TEX101: variants seen among roughly 807,000 people sequenced by gnomAD.
The protein encoded by TEX101 is testis expressed 101.
Under a neutral mutation model 18.1 loss-of-function variants are expected in TEX101, and 10 were observed. The ratio of observed to expected loss-of-function variants is 0.55; its 90% CI spans 0.34 to 0.94. The LOEUF (loss-of-function observed/expected upper bound fraction) is 0.94. Among genes scored for constraint, TEX101 ranks in the 40% least tolerant of loss-of-function variants. The pLI is 0.02. For missense variants in TEX101, 259 were observed against 298.9 expected (o/e 0.87, Z 0.98); for synonymous variants, 94 against 114.8 (o/e 0.82, Z 1.16).
At chr19:43,392,692 G>A in the TEX101 span, among the ~76,000 whole-genome samples, 9 of 152,210 alleles carry the variant, frequency 5.9e-5, no homozygotes, top group South Asian at 1.0e-3. Flanking sequence ...AAAAAGAGAT[G>A]GACAGAGCTG....
chr19:43,416,926 G>C, intron 4 of TEX101, among the ~76,000 whole-genome samples: 1 of 151,698 alleles, frequency 6.6e-6, no homozygotes, highest in Non-Finnish European at 1.5e-5. Context: ...CCAGATACTC[G>C]GGAAGCTGAG....
At chr19:43,398,135 A>G (rs1352882192), upstream of TEX101, among the ~76,000 whole-genome samples, 4 of 39,946 alleles carry the variant, frequency 1.0e-4, no homozygotes, top group African/African-American at 4.1e-4. Flanking sequence ...ATATATAAAT[A>G]TATAATATAT....
intron 2 of TEX101, among the ~76,000 whole-genome samples, chr19:43,405,847 G>A (rs536416034): frequency 4.6e-5 from 7 of 152,004 alleles, no homozygotes; most frequent in Non-Finnish European, 5.9e-5. Flanking sequence ...CCCAGGAGGC[G>A]GAGGTTGCAG....
At chr19:43,404,890 G>A (rs1227944671) in intron 2 of TEX101, among the ~76,000 whole-genome samples, 1 of 151,932 alleles carries the variant, frequency 6.6e-6, no homozygotes, top group Non-Finnish European at 1.5e-5. Flanking sequence ...TAAAAATAGA[G>A]ACACTTCATC....
At chr19:43,391,552 T>C in the TEX101 span, among the ~76,000 whole-genome samples, 3 of 152,190 alleles carry the variant, frequency 2.0e-5, no homozygotes, top group South Asian at 4.1e-4. Flanking sequence ...TAAATTAATT[T>C]TACATTTCCT....
chr19:43,406,333 TGGA>T, exon 3 of TEX101: 1 of 579,242 alleles, frequency 1.7e-6, no homozygotes, highest in Non-Finnish European at 3.1e-6. Context: ...CGCGCGCGAA[TGGA>T]TAGACGCTAT....
intron 1 of TEX101, 63 bp downstream of exon 1, chr19:43,415,101 T>C: frequency 1.0e-6 from 1 of 968,262 alleles, no homozygotes; most frequent in Non-Finnish European, 1.2e-6. Flanking sequence ...GGGCCTGGGC[T>C]CCCGGGCCTG....
At chr19:43,391,326 G>T in the TEX101 span, among the ~76,000 whole-genome samples, 1 of 151,224 alleles carries the variant, frequency 6.6e-6, no homozygotes, top group Non-Finnish European at 1.5e-5. Context: ...GACCACAGTG[G>T]TTGTGCCATA....
chr19:43,404,763 T>C (rs1249125450), intron 2 of TEX101, among the ~76,000 whole-genome samples: 1 of 151,396 alleles, frequency 6.6e-6, no homozygotes, highest in Non-Finnish European at 1.5e-5. Flanking sequence ...TAGGTGAATA[T>C]ATAAATATAT....
rs1486061743 is a variant in TEX101 at position 43,416,131 on chromosome 19, T to C, written c.97T>C (p.Ser33Pro). Reference protein sequence around the residue: ...GLELYCQKGLSMTVEADPANM... With the variant: ...GLELYCQKGLPMTVEADPANM... ...AGAGCTGTATTGTCAAAAGGGTCTG[T>C]CCATGACTGTGGAAGCAGATCCAGC... Residue 33 changes from serine to proline, a missense_variant, in exon 3 of 6, where the codon TCC becomes CCC. Transcript: ENST00000598265. 7 of 1,613,642 alleles carry C rather than the reference T, an allele frequency of 4.3e-6. No individual in the cohort carries two copies. The African/African-American group carries it at 9.3e-5, about 22-fold the overall frequency.
chr19:43,397,528 C>T (rs895750595), upstream of TEX101, among the ~76,000 whole-genome samples: 1 of 151,386 alleles, frequency 6.6e-6, no homozygotes, highest in African/African-American at 2.4e-5. Context: ...CCAAGAATAC[C>T]CACATCCTCT....
intron 1 of TEX101, among the ~76,000 whole-genome samples, chr19:43,402,383 G>A (rs1451280721): frequency 4.6e-5 from 7 of 152,124 alleles, no homozygotes; most frequent in Non-Finnish European, 1.0e-4. Context: ...TAATCAAGAT[G>A]TCTAATGGCA....
chr19:43,406,365 G>C, exon 3 of TEX101: 1 of 667,332 alleles, frequency 1.5e-6, no homozygotes, highest in East Asian at 2.9e-5. Flanking sequence ...TCCCTACATA[G>C]CATCCAGCGA....
the TEX101 span, among the ~76,000 whole-genome samples, chr19:43,396,480 C>T: frequency 9.2e-5 from 14 of 152,150 alleles, no homozygotes; most frequent in Non-Finnish European, 1.6e-4. Flanking sequence ...CTCTAATAGG[C>T]GCTTAATCAC....
chr19:43,414,054 G>A (rs141478573), upstream of TEX101, among the ~76,000 whole-genome samples: 4 of 151,744 alleles, frequency 2.6e-5, no homozygotes, highest in African/African-American at 9.7e-5. Flanking sequence ...AACCCAGGAG[G>A]AGGAGGTTGC....
intron 5 of TEX101, 70 bp downstream of exon 5, chr19:43,418,076 G>A: frequency 1.9e-6 from 3 of 1,612,860 alleles, no homozygotes; most frequent in Non-Finnish European, 2.5e-6. Flanking sequence ...CAGAGATTCT[G>A]ACACTGAGCT....
intron 2 of TEX101, among the ~76,000 whole-genome samples, chr19:43,406,061 A>G (rs1366025553): frequency 7.4e-6 from 1 of 134,790 alleles, no homozygotes; most frequent in Non-Finnish European, 1.6e-5. Context: ...CCCGGACAAC[A>G]TAAGGAGACC....
chr19:43,389,119 T>C, the TEX101 span, among the ~76,000 whole-genome samples: 26 of 152,188 alleles, frequency 1.7e-4, no homozygotes, highest in South Asian at 1.0e-3. Flanking sequence ...GGGACGGGCA[T>C]CTGCACCAGG....
At chr19:43,399,293 T>A (rs77642431), upstream of TEX101, among the ~76,000 whole-genome samples, 185 of 152,296 alleles carry the variant, frequency 1.2e-3, no homozygotes, top group East Asian at 0.021. Flanking sequence ...CTATTATTCC[T>A]GTGTGATATT....
Sources: allele counts gnomAD v4.1 joint callset (sites outside exome capture counted in the v4.1 genomes callset), GRCh38; gene constraint gnomAD v4.1.1; transcripts MANE v1.5; gene names NCBI Gene and HGNC (gene_info 2026-07-23, HGNC 2026-07-21).